Variants in DNAH8 observed in about 807,000 individuals in gnomAD.
DNAH8 encodes dynein axonemal heavy chain 8.
Under a neutral mutation model 562.1 loss-of-function variants are expected in DNAH8, and 382 were observed. That is an observed-to-expected ratio of 0.68 (90% confidence interval 0.63 to 0.74). The LOEUF (loss-of-function observed/expected upper bound fraction) is 0.74, where lower values mean the gene tolerates loss of function less well. Among genes scored for constraint, DNAH8 ranks in the 30% least tolerant of loss-of-function variants. The probability of loss-of-function intolerance (pLI) is 0.00; values close to 1 mark genes in which losing one functional copy is unlikely to be tolerated. For missense variants in DNAH8, 5,203 were observed against 5,620.4 expected, an observed-to-expected ratio of 0.93 and a Z score of 2.37; for synonymous variants, 1,881 against 1,919.4, an observed-to-expected ratio of 0.98 and a Z score of 0.52.
intron 75 of DNAH8, 23 bp downstream of exon 75, chr6:38,929,689 A>AAAAG: frequency 6.0e-6 from 9 of 1,497,352 alleles, no homozygotes; most frequent in South Asian, 4.0e-5. Flanking sequence ...AAAAAAAAAA[A>AAAAG]AAAGAAAGAA....
rs1276123037 is a variant in DNAH8, at chr6:39,026,612, C to T, written c.13781C>T (p.Thr4594Ile). ...AHKGWALDTVTIHNEVLRQTK... is the reference protein window; with the variant it reads ...AHKGWALDTVIIHNEVLRQTK... ...AAAGGCTGGGCACTGGACACTGTGA[C>T]CATCCACAATGAAGTTCTGAGACAG... Residue 4594 changes from threonine to isoleucine, a missense_variant, in exon 92 of 93, where the codon ACC (threonine) becomes ATC (isoleucine). Physicochemically the swap from Thr to Ile is moderately conservative, Grantham distance 89. Around this residue, in one of 6 missense-constraint regions of DNAH8, gnomAD observed 1,399 missense variants for 1,518.4 expected, o/e 0.92. Transcript: ENST00000327475. 6.2e-7 allele frequency: 1 copy of T among 1,613,524 alleles called. No homozygotes were observed. The highest frequency in any genetic ancestry group is 8.5e-7 in the Non-Finnish European group (1 of 1,179,802).
chr6:38,874,793 C>T (rs1339254612), intron 52 of DNAH8, among the ~76,000 whole-genome samples: 2 of 152,174 alleles, frequency 1.3e-5, no homozygotes, highest in African/African-American at 2.4e-5. Flanking sequence ...CATTCTAGAG[C>T]TTCAATTCTC....
Position 38,925,587 on chromosome 6 carries a change from G to A in DNAH8, c.10963-468G>A, listed in dbSNP as rs979680746. On this transcript the variant is annotated intron_variant, in intron 73 of 92. Transcript: ENST00000327475. The stretch of plus-strand genomic sequence containing the variant: ...CACAAAAGTGTCATTGATGAGCTCC[G>A]GCCAATATAATAACTCATCTAATTT... Among the ~76,000 whole-genome samples the A allele has an allele frequency of 5.3e-5, 8 of 152,072 alleles. No individual in the cohort carries two copies. The South Asian group carries it at 1.0e-3, about 20-fold the overall frequency.
Position 38,917,937 on chromosome 6 carries a change from A to G in DNAH8, c.10321A>G (p.Thr3441Ala). The G allele has an allele frequency of 1.2e-6, 2 of 1,612,516 alleles. No homozygotes were observed. The highest frequency in any genetic ancestry group is 1.7e-6 in the Non-Finnish European group (2 of 1,179,426). ...WGESLKLMSATGFLWSLQQFP... is the reference protein window; with the variant it reads ...WGESLKLMSAAGFLWSLQQFP... ...TACTATTTTTCAGTTGATGAGTGCAACAGGATTCCTGTGGAGCCTTCAGCA... is the reference window on the plus strand; with the variant it reads ...TACTATTTTTCAGTTGATGAGTGCAGCAGGATTCCTGTGGAGCCTTCAGCA... Residue 3441 changes from threonine (T) to alanine (A), a missense_variant, in exon 70 of 93, where the codon ACA (threonine) becomes GCA (alanine). Thr to Ala is a moderately conservative substitution (Grantham distance 58, BLOSUM62 0). Coordinates refer to ENST00000327475, the MANE Select transcript of DNAH8 (RefSeq NM_001206927.2).
At chr6:38,746,551 A>C (rs1271231648) in intron 8 of DNAH8, among the ~76,000 whole-genome samples, 2 of 150,570 alleles carry the variant, frequency 1.3e-5, no homozygotes, top group East Asian at 1.9e-4. Context: ...ATTTATAATG[A>C]ATTTTTTTAT....
chr6:38,851,461 G>T, intron 38 of DNAH8, 111 bp from the exon 39 acceptor site: 1 of 641,730 alleles, frequency 1.6e-6, no homozygotes, highest in South Asian at 2.0e-5. Context: ...AGTGACTTTA[G>T]GTGTTTGCTA....
At chr6:38,904,368 C>CT (rs1256014476) in intron 62 of DNAH8, among the ~76,000 whole-genome samples, 1 of 152,040 alleles carries the variant, frequency 6.6e-6, no homozygotes, top group Non-Finnish European at 1.5e-5. Context: ...GAAAAGATGG[C>CT]TGTGGAAAGA....
chr6:38,923,626 A>G (rs897356120), intron 72 of DNAH8: 4 of 183,388 alleles, frequency 2.2e-5, no homozygotes, highest in Non-Finnish European at 4.5e-5. Flanking sequence ...AAAAATAAAA[A>G]TAAAAAAATA....
chr6:38,731,081 G>A (rs1446310639), intron 4 of DNAH8, among the ~76,000 whole-genome samples: 1 of 151,978 alleles, frequency 6.6e-6, no homozygotes, highest in Non-Finnish European at 1.5e-5. Flanking sequence ...TTGTTTCTTC[G>A]ATAAAATATG....
chr6:38,884,753 A>G (rs1477580619), intron 56 of DNAH8, among the ~76,000 whole-genome samples: 1 of 152,218 alleles, frequency 6.6e-6, no homozygotes, highest in African/African-American at 2.4e-5. Context: ...TCAAAAAAAC[A>G]AAAACAAAAA....
rs754937417 is a variant in DNAH8, at chr6:38,790,299, T to G, written c.2675T>G (p.Val892Gly). 3.1e-6 allele frequency: 5 copies of G among 1,600,792 alleles called. No homozygotes were observed. In the South Asian group the frequency reaches 3.3e-5, roughly 11 times the overall value. ...TTTTACCGTTTCTAGGTGGAATCTGTGTTGAGGCAAGGACTCACAGTGTTA... is the reference window on the plus strand; with the variant it reads ...TTTTACCGTTTCTAGGTGGAATCTGGGTTGAGGCAAGGACTCACAGTGTTA... ...MTPKMKKVES[V>G]LRQGLTVLTW... Residue 892 changes from valine to glycine, a missense_variant, in exon 20 of 93, where the codon GTG (valine) becomes GGG (glycine). By Grantham distance (109) the Val-to-Gly change is moderately radical (BLOSUM62 -3). Coordinates refer to ENST00000327475, the MANE Select transcript of DNAH8 (RefSeq NM_001206927.2).
intron 53 of DNAH8, among the ~76,000 whole-genome samples, chr6:38,877,975 C>G (rs551733092): frequency 6.6e-6 from 1 of 151,974 alleles, no homozygotes; most frequent in African/African-American, 2.4e-5. Flanking sequence ...AGGGGAAGAT[C>G]AAATAGAATT....
At chr6:38,849,035 A>C (rs1333517832) in intron 37 of DNAH8, among the ~76,000 whole-genome samples, 1 of 152,168 alleles carries the variant, frequency 6.6e-6, no homozygotes, top group Non-Finnish European at 1.5e-5. Context: ...TTGAGTAGTT[A>C]TAACTGAGAT....
intron 8 of DNAH8, among the ~76,000 whole-genome samples, chr6:38,745,869 A>G (rs915820967): frequency 7.2e-5 from 11 of 152,190 alleles, no homozygotes; most frequent in Non-Finnish European, 1.2e-4. Context: ...AGAATGCCAG[A>G]GTTGATGTGC....
Position 38,883,906 on chromosome 6 carries a change from A to G in DNAH8, c.8167A>G (p.Ile2723Val). The stretch of plus-strand genomic sequence containing the variant: ...AATTGAAAGCTACGTGGATAAGCGA[A>G]TTGGAAGCACATATGGGCCACCAGG... Reference protein sequence around the residue: ...RTIESYVDKRIGSTYGPPGGR... With the variant: ...RTIESYVDKRVGSTYGPPGGR... The change falls in exon 56 of 93, where the codon ATT (isoleucine) becomes GTT (valine). Residue 2723 changes from isoleucine to valine, a missense_variant. Transcript: ENST00000327475. The G allele has an allele frequency of 6.3e-7, 1 of 1,588,508 alleles. No individual in the cohort carries two copies.
intron 13 of DNAH8, among the ~76,000 whole-genome samples, chr6:38,776,502 G>C (rs760453568): frequency 2.4e-4 from 36 of 152,180 alleles, no homozygotes; most frequent in Non-Finnish European, 8.8e-5. Context: ...ACAGGCATGA[G>C]CCACTGCACC....
intron 11 of DNAH8, among the ~76,000 whole-genome samples, chr6:38,767,720 C>T (rs1767155134): frequency 6.6e-6 from 1 of 152,122 alleles, no homozygotes; most frequent in Admixed American, 6.5e-5. Flanking sequence ...TGGTTTGTTA[C>T]TACCTTTTGG....
At chr6:38,994,665 T>G (rs1252564249) in intron 88 of DNAH8, among the ~76,000 whole-genome samples, 49 of 93,762 alleles carry the variant, frequency 5.2e-4, no homozygotes, top group African/African-American at 1.5e-3. Flanking sequence ...TTTTTTTTTT[T>G]GAGCCGGAGT....
At chr6:39,004,286 T>C (rs1215382674) in intron 88 of DNAH8, among the ~76,000 whole-genome samples, 4 of 152,212 alleles carry the variant, frequency 2.6e-5, no homozygotes, top group African/African-American at 9.6e-5. Flanking sequence ...CTACAGTCAC[T>C]CTCCTCCTGA....
Sources: gnomAD v4.1 joint callset for allele counts (sites outside exome capture counted in the v4.1 genomes callset) on GRCh38, gnomAD v4.1.1 for gene constraint, gnomAD v4.1.1 regional missense constraint, MANE v1.5 for transcripts, NCBI Gene and HGNC (gene_info 2026-07-23, HGNC 2026-07-21) for gene names.